The following CRYZL1 variants were observed in gnomAD, a reference collection of about 807,000 sequenced individuals.
CRYZL1 encodes the protein crystallin zeta like 1.
CRYZL1 carries 34 observed loss-of-function variants against 50.6 expected under a neutral mutation model. The observed-to-expected ratio is 0.67, with a 90% CI of 0.51 to 0.89. The LOEUF is 0.89. Ranked by LOEUF, CRYZL1 falls within the 40% of genes least tolerant of loss-of-function variation. The pLI, the probability that CRYZL1 is intolerant of heterozygous loss-of-function variation, is 0.00. For missense variants in CRYZL1, 354 were observed against 402.3 expected (o/e 0.88, Z 1.03); for synonymous variants, 125 against 134.3 (o/e 0.93, Z 0.48).
intron 11 of CRYZL1, chr21:33,595,338 TAG>T: frequency 8.2e-7 from 1 of 1,226,574 alleles, no homozygotes; most frequent in Non-Finnish European, 1.1e-6. Context: ...GGCACCATCA[TAG>T]GAGTAAGTGT....
chr21:33,603,125 G>A (rs923536460), intron 7 of CRYZL1: 2 of 342,306 alleles, frequency 5.8e-6, no homozygotes, highest in Non-Finnish European at 1.1e-5. Flanking sequence ...GACTTCAAAG[G>A]CTCATGTGGC....
chr21:33,603,771 G>C (rs541683943), intron 6 of CRYZL1, among the ~76,000 whole-genome samples: 1 of 152,194 alleles, frequency 6.6e-6, no homozygotes. Context: ...TGCAGAAAAA[G>C]TATGTAAAAT....
At chr21:33,616,880 C>G (rs2086940024) in intron 4 of CRYZL1, 130 bp from the exon 5 acceptor site, 1 of 741,580 alleles carries the variant, frequency 1.3e-6, no homozygotes, top group Non-Finnish European at 2.1e-6. Context: ...AAAAAAGGAC[C>G]AAAATGTCAA....
chr21:33,595,943 T>TCA (rs2086689085), intron 10 of CRYZL1, 107 bp from the exon 11 acceptor site: 2 of 733,212 alleles, frequency 2.7e-6, no homozygotes, highest in Non-Finnish European at 4.8e-6. Flanking sequence ...GATGTCCAAA[T>TCA]CACAAAAATA....
At chr21:33,598,804 GA>G (rs1372980104) in intron 9 of CRYZL1, among the ~76,000 whole-genome samples, 1 of 147,916 alleles carries the variant, frequency 6.8e-6, no homozygotes, top group African/African-American at 2.5e-5. Flanking sequence ...AGACATTTTT[GA>G]GTTTTTTTTT....
At chr21:33,591,032 A>C in intron 12 of CRYZL1, 130 bp downstream of exon 12, 2 of 715,226 alleles carry the variant, frequency 2.8e-6, no homozygotes. Context: ...TTATGTTTGC[A>C]CCAACCTAAT....
At chr21:33,622,761 G>A (rs1000644916) in intron 3 of CRYZL1, among the ~76,000 whole-genome samples, 9 of 152,086 alleles carry the variant, frequency 5.9e-5, no homozygotes, top group African/African-American at 1.9e-4. Context: ...GATGCTGAAC[G>A]TATTTGTAGA....
chr21:33,623,773 C>CA (rs1347290592), intron 3 of CRYZL1, among the ~76,000 whole-genome samples: 5 of 151,926 alleles, frequency 3.3e-5, no homozygotes, highest in East Asian at 3.9e-4. Context: ...ACAAAACAAA[C>CA]AAAAAAACGG....
chr21:33,623,893 T>C (rs1034144230), intron 3 of CRYZL1, among the ~76,000 whole-genome samples: 1 of 152,108 alleles, frequency 6.6e-6, no homozygotes, highest in Non-Finnish European at 1.5e-5. Flanking sequence ...TGCAGGGTAA[T>C]GTGAGGTAAA....
chr21:33,589,752 T>C lies in CRYZL1; in HGVS notation c.*70A>G, dbSNP rs530452800. 9.6e-7 allele frequency: 1 copy of C among 1,039,836 alleles called. No homozygotes were observed. Among genetic ancestry groups the C allele is most frequent in the East Asian group, 2.5e-5 (1 of 40,328 alleles). 64.4% of individuals were successfully genotyped at this position (1,039,836 alleles called of 1,614,324 possible). A position where few individuals can be genotyped will look rare whatever the true frequency, so the allele number is the denominator to read the frequency against. On this transcript the variant is annotated 3_prime_UTR_variant, in exon 13 of 13. Coordinates refer to ENST00000381554, the MANE Select transcript of CRYZL1 (RefSeq NM_145858.3). The stretch of plus-strand genomic sequence containing the variant: ...TATCTTCCTTGGTTTTTCTCAACAA[T>C]TTCCAAAGAAAATTCTGGCTTCAAA...
intron 6 of CRYZL1, among the ~76,000 whole-genome samples, chr21:33,605,170 CT>C (rs2086797443): frequency 6.6e-6 from 1 of 151,946 alleles, no homozygotes; most frequent in African/African-American, 2.4e-5. Context: ...ATTGTTTTGT[CT>C]TTTTCTTATT....
intron 11 of CRYZL1, among the ~76,000 whole-genome samples, chr21:33,592,035 G>A (rs2086648722): frequency 6.6e-6 from 1 of 150,990 alleles, no homozygotes; most frequent in Non-Finnish European, 1.5e-5. Flanking sequence ...TATACATTAA[G>A]TCATCTCTAT....
chr21:33,628,534 G>A (rs1003878184), intron 2 of CRYZL1, among the ~76,000 whole-genome samples: 2 of 150,752 alleles, frequency 1.3e-5, no homozygotes, highest in East Asian at 1.9e-4. Context: ...CACCTCCTTG[G>A]TTAAATTTAT....
rs774545898 is a variant in CRYZL1, at chr21:33,603,460, G to A, written c.409C>T (p.His137Tyr). The change falls in exon 7 of 13, where the codon CAT becomes TAT. Residue 137 changes from histidine to tyrosine, a missense_variant. Transcript: ENST00000381554. ...CCAGGAGAGAGATGAGAAAGATAAT[G>A]CAGAGCTGTATAGGCACGCACTCCA... ...RDGVRAYTAL[H>Y]YLSHLSPGKS... The A allele has an allele frequency of 2.9e-5, 47 of 1,614,012 alleles. No homozygotes were observed. The highest frequency in any genetic ancestry group is 3.7e-5 in the Non-Finnish European group (44 of 1,180,006).
chr21:33,614,958 A>G (rs1187566757), intron 5 of CRYZL1, among the ~76,000 whole-genome samples: 2 of 152,174 alleles, frequency 1.3e-5, no homozygotes, highest in African/African-American at 4.8e-5. Context: ...TGAATAATAC[A>G]GAGTGCCACT....
At chr21:33,596,420 C>T (rs530537258) in intron 10 of CRYZL1, among the ~76,000 whole-genome samples, 85 of 151,882 alleles carry the variant, frequency 5.6e-4, no homozygotes, top group African/African-American at 1.9e-3. Flanking sequence ...GGTGGATCAC[C>T]TGAGGTCAGA....
intron 5 of CRYZL1, among the ~76,000 whole-genome samples, chr21:33,614,751 T>C (rs1443795600): frequency 2.0e-5 from 3 of 152,038 alleles, no homozygotes; most frequent in African/African-American, 4.8e-5. Flanking sequence ...TTTGTATTAT[T>C]AGTAGAGACA....
At chr21:33,593,041 G>C (rs2086658813) in intron 11 of CRYZL1, among the ~76,000 whole-genome samples, 1 of 146,200 alleles carries the variant, frequency 6.8e-6, no homozygotes, top group Non-Finnish European at 1.5e-5. Flanking sequence ...GACAGAGCGA[G>C]ACTCTATCTC....
At chr21:33,629,076 A>G (rs925164612) in intron 2 of CRYZL1, among the ~76,000 whole-genome samples, 18 of 152,024 alleles carry the variant, frequency 1.2e-4, no homozygotes, top group Non-Finnish European at 1.9e-4. Flanking sequence ...CAAAAAAAAA[A>G]AAAAGTTAGT....
Sources: allele counts gnomAD v4.1 joint callset (sites outside exome capture counted in the v4.1 genomes callset), GRCh38; gene constraint gnomAD v4.1.1; transcripts MANE v1.5; gene names NCBI Gene and HGNC (gene_info 2026-07-23, HGNC 2026-07-21).